JAKMIP3: variants seen among roughly 807,000 people sequenced by gnomAD.
JAKMIP3 encodes Janus kinase and microtubule interacting protein 3, also known as janus kinase and microtubule-interacting protein 3.
JAKMIP3 carries 58 observed loss-of-function variants against 118.5 expected under a neutral mutation model. The ratio of observed to expected loss-of-function variants is 0.49; its 90% CI spans 0.40 to 0.61. The LOEUF (loss-of-function observed/expected upper bound fraction) is 0.61. JAKMIP3 is among the 20% of genes least tolerant of loss of function. The pLI, the probability that JAKMIP3 is intolerant of heterozygous loss-of-function variation, is 0.00. For synonymous variants in JAKMIP3, 486 were observed against 451.2 expected, an observed-to-expected ratio of 1.08 and a Z score of -0.98; for missense variants, 950 against 1,109.0, an observed-to-expected ratio of 0.86 and a Z score of 2.04.
intron 11 of JAKMIP3, chr10:132,144,283 G>A (rs2054164885): frequency 6.6e-6 from 1 of 152,298 alleles, no homozygotes; most frequent in South Asian, 2.1e-4. Flanking sequence ...TCCTGTAGAT[G>A]TGGGGCGGGC....
In JAKMIP3 at chr10:132,141,985, G is replaced by T. The variant is rs1036546728; in HGVS notation, c.1539G>T (p.Gln513His). 6.2e-7 allele frequency: 1 copy of T among 1,604,082 alleles called. No homozygotes were observed. Among genetic ancestry groups the T allele is most frequent in the Non-Finnish European group, 8.5e-7 (1 of 1,175,650 alleles). ...RQLTMEYQALQRAYALLQEQV... is the reference protein window; with the variant it reads ...RQLTMEYQALHRAYALLQEQV... ...TGACCATGGAGTACCAGGCCCTGCA[G>T]CGTGCCTACGCTTTGTTGCAGGAGC... The change falls in exon 11 of 24, where the codon CAG (glutamine) becomes CAT (histidine). Residue 513 changes from glutamine to histidine, a missense_variant. Gln to His is a conservative substitution (Grantham distance 24). Transcript: ENST00000684848.
chr10:132,132,002 G>A (rs551028090), intron 3 of JAKMIP3, among the ~76,000 whole-genome samples: 4 of 152,336 alleles, frequency 2.6e-5, no homozygotes, highest in Non-Finnish European at 4.4e-5. Context: ...GTCTGAGAGT[G>A]TAAATGCCAG....
intron 8 of JAKMIP3, 67 bp from the exon 9 acceptor site, chr10:132,138,052 A>T: frequency 6.9e-7 from 1 of 1,453,070 alleles, no homozygotes; most frequent in Non-Finnish European, 9.5e-7. Flanking sequence ...CACGGGCAGT[A>T]AACCGTGGAC....
chr10:132,140,391 GGGA>G (rs1484250727), intron 9 of JAKMIP3, 57 bp from the exon 10 acceptor site: 1 of 1,605,232 alleles, frequency 6.2e-7, no homozygotes, highest in Non-Finnish European at 8.5e-7. Context: ...AGGAGGCGGC[GGGA>G]GGAGGCGGCT....
chr10:132,167,857 C>CCTCTCGGCTCTCGG lies in JAKMIP3; in HGVS notation c.*23-95_*23-94insTCTCGGCTCTCGGC, dbSNP rs796856206. On this transcript the variant is annotated intron_variant, in intron 22 of 23. Transcript: ENST00000684848. ...CTCGGCCCTCGCCCCTCGCCCCTCA[C>CCTCTCGGCTCTCGG]CCCTCGGCCCTCGCCCCTCGCCCCT... 5 of 733,090 alleles carry CCTCTCGGCTCTCGG rather than the reference C, an allele frequency of 6.8e-6. No individual in the cohort carries two copies. In the Admixed American group the frequency reaches 1.1e-4, roughly 17 times the overall value. The allele number at this position is 733,090 out of a possible 1,614,324, so 45.4% of individuals were successfully genotyped here.
intron 1 of JAKMIP3, among the ~76,000 whole-genome samples, chr10:132,090,424 C>T (rs2042951547): frequency 6.6e-6 from 1 of 152,148 alleles, no homozygotes; most frequent in Non-Finnish European, 1.5e-5. Context: ...CAACTTCTTC[C>T]TGGTTTAGTC....
At chr10:132,159,184 G>T (rs1243185155) in intron 19 of JAKMIP3, among the ~76,000 whole-genome samples, 1 of 13,792 alleles carries the variant, frequency 7.3e-5, no homozygotes. Context: ...GTGTGATGTT[G>T]TGGGGGCATC....
chr10:132,094,193 G>A (rs2043527982), intron 1 of JAKMIP3, among the ~76,000 whole-genome samples: 1 of 151,986 alleles, frequency 6.6e-6, no homozygotes, highest in Non-Finnish European at 1.5e-5. Context: ...CTTAAATTGG[G>A]CTTTGCCTTT....
intron 1 of JAKMIP3, among the ~76,000 whole-genome samples, chr10:132,050,349 G>A (rs113357592): frequency 2.3e-4 from 35 of 152,318 alleles, no homozygotes; most frequent in Admixed American, 7.8e-4. Context: ...GCTCACCCAC[G>A]TGGAAAGCAG....
intron 14 of JAKMIP3, among the ~76,000 whole-genome samples, chr10:132,148,532 C>T (rs978607938): frequency 2.1e-4 from 32 of 151,934 alleles, no homozygotes; most frequent in Non-Finnish European, 4.0e-4. Flanking sequence ...CGTCCTCCAT[C>T]CGCCCCCGTG....
chr10:132,088,889 G>C lies in JAKMIP3; in HGVS notation c.-137-15783G>C, dbSNP rs1210830890. Among the ~76,000 whole-genome samples the C allele has an allele frequency of 2.0e-5, 3 of 152,304 alleles. No individual in the cohort carries two copies. In the East Asian group the frequency reaches 5.8e-4, roughly 29 times the overall value. On this transcript the variant is annotated intron_variant, in intron 1 of 23. Transcript: ENST00000684848. ...CATCTTGAATTAATTTTTGTATAAGGTGTAAGAAAGGGATCCAGTTTCAGC... is the reference window on the plus strand; with the variant it reads ...CATCTTGAATTAATTTTTGTATAAGCTGTAAGAAAGGGATCCAGTTTCAGC...
At chr10:132,146,834 T>C (rs1156776370) in intron 13 of JAKMIP3, among the ~76,000 whole-genome samples, 1 of 152,182 alleles carries the variant, frequency 6.6e-6, no homozygotes, top group Non-Finnish European at 1.5e-5. Flanking sequence ...AAATTAGAAG[T>C]GCGTTTCCAC....
intron 1 of JAKMIP3, among the ~76,000 whole-genome samples, chr10:132,096,370 A>T (rs1041513727): frequency 1.3e-5 from 2 of 152,190 alleles, no homozygotes; most frequent in Non-Finnish European, 2.9e-5. Context: ...ACCCAGGCAG[A>T]CTGAAAACCA....
chr10:132,137,882 T>C (rs563030378), intron 8 of JAKMIP3, among the ~76,000 whole-genome samples: 4 of 152,320 alleles, frequency 2.6e-5, no homozygotes, highest in Admixed American at 6.5e-5. Flanking sequence ...TGGTAGACCA[T>C]TGAGCAAGAC....
At chr10:132,096,624 C>G (rs1316139489) in intron 1 of JAKMIP3, among the ~76,000 whole-genome samples, 9 of 152,108 alleles carry the variant, frequency 5.9e-5, no homozygotes, top group Non-Finnish European at 1.0e-4. Flanking sequence ...GGCTTTGGAC[C>G]TGGCCGTGAT....
chr10:132,040,599 G>A (rs1050640368), intron 1 of JAKMIP3, among the ~76,000 whole-genome samples: 3 of 147,012 alleles, frequency 2.0e-5, no homozygotes, highest in Non-Finnish European at 4.5e-5. Context: ...ATTTTGGGTT[G>A]ATTTTAATCC....
intron 1 of JAKMIP3, among the ~76,000 whole-genome samples, chr10:132,056,791 G>C (rs941371511): frequency 3.9e-5 from 6 of 152,176 alleles, no homozygotes; most frequent in Non-Finnish European, 7.4e-5. Context: ...TGAATGCCAG[G>C]GGCATCGCCA....
chr10:132,084,763 G>T (rs1329460898), intron 1 of JAKMIP3, among the ~76,000 whole-genome samples: 8 of 152,146 alleles, frequency 5.3e-5, no homozygotes, highest in African/African-American at 1.9e-4. Flanking sequence ...TGCCAATCTT[G>T]CTGAGAGTTT....
intron 2 of JAKMIP3, 81 bp downstream of exon 2, chr10:132,105,024 G>T (rs1226107119): frequency 2.7e-6 from 4 of 1,486,558 alleles, no homozygotes; most frequent in Non-Finnish European, 3.6e-6. Flanking sequence ...CCTGGAGTGG[G>T]TTTGGCCAGA....
Sources: gnomAD v4.1 joint callset for allele counts (sites outside exome capture counted in the v4.1 genomes callset) on GRCh38, gnomAD v4.1.1 for gene constraint, MANE v1.5 for transcripts, NCBI Gene and HGNC (gene_info 2026-07-23, HGNC 2026-07-21) for gene names.